The following FADS2 variants were observed in gnomAD, a reference collection of about 807,000 sequenced individuals.
FADS2 encodes the protein acyl-CoA 6-desaturase.
In FADS2, 18 loss-of-function variants were observed where a neutral mutation model predicts 61.2. The observed-to-expected ratio is 0.29, with a 90% CI of 0.20 to 0.44. The LOEUF is 0.44. Among genes scored for constraint, FADS2 ranks in the 20% least tolerant of loss-of-function variants. FADS2 has a pLI of 1.00. For synonymous variants in FADS2, 203 were observed against 223.9 expected (o/e 0.91, Z 0.83); for missense variants, 322 against 572.7 (o/e 0.56, Z 4.47).
chr11:61,828,063 G>T, upstream of FADS2: 1 of 1,213,070 alleles, frequency 8.2e-7, no homozygotes, highest in Non-Finnish European at 1.0e-6. This position sits in a 1 kb window ranked among gnomAD's most constrained non-coding sequence, Gnocchi z 6.4. Flanking sequence ...CCGGAGGGGC[G>T]GGCAGAGGAG....
chr11:61,825,503 A>G (rs1484282517), upstream of FADS2, among the ~76,000 whole-genome samples: 2 of 151,946 alleles, frequency 1.3e-5, no homozygotes, highest in African/African-American at 4.8e-5. Context: ...TTGTAATCCC[A>G]GCTACTCAGG....
intron 5 of FADS2, among the ~76,000 whole-genome samples, chr11:61,853,245 CTCTCTCTCTTTCTTTCT>C: frequency 2.1e-5 from 3 of 142,910 alleles, no homozygotes; most frequent in Middle Eastern, 3.5e-3. Context: ...TTCTTTCTTT[CTCTCTCTCTTTCTTTCT>C]CTCCCTCCCT....
At chr11:61,839,198 C>T (rs2067198557) in intron 2 of FADS2, among the ~76,000 whole-genome samples, 1 of 152,198 alleles carries the variant, frequency 6.6e-6, no homozygotes, top group South Asian at 2.1e-4. Flanking sequence ...CCTGCCTCAG[C>T]TCGCCCTCCT....
chr11:61,856,596 C>T (rs574499646), intron 5 of FADS2: 11 of 165,850 alleles, frequency 6.6e-5, no homozygotes, highest in Middle Eastern at 2.6e-3. Context: ...TATGCTCCGC[C>T]GAGAGTTGCT....
At chr11:61,823,851 C>T (rs923556441), upstream of FADS2, among the ~76,000 whole-genome samples, 2 of 152,146 alleles carry the variant, frequency 1.3e-5, no homozygotes, top group African/African-American at 4.8e-5. Flanking sequence ...CCCAGCCTGT[C>T]ATTTAAGGCA....
chr11:61,828,731 T>G lies in FADS2; in HGVS notation c.207+134T>G. The G allele has an allele frequency of 1.4e-6, 1 of 732,484 alleles. No homozygotes were observed. Among genetic ancestry groups the G allele is most frequent in the South Asian group, 1.8e-5 (1 of 54,644 alleles). 45.4% of individuals were successfully genotyped at this position (732,484 alleles called of 1,614,324 possible). A position where few individuals can be genotyped will look rare whatever the true frequency, so the allele number is the denominator to read the frequency against. On this transcript the variant is annotated intron_variant, in intron 1 of 11. Transcript: ENST00000278840. The surrounding 1 kb of genome is among the most constrained non-coding windows in gnomAD (Gnocchi z 6.4). ...GTCCTGTAGGGAAGGAAAGTGCATC[T>G]ATTGCACTCGTACCCCCTCCCCAAT...
intron 4 of FADS2, among the ~76,000 whole-genome samples, chr11:61,846,080 G>A (rs902222812): frequency 4.0e-5 from 6 of 151,068 alleles, no homozygotes; most frequent in African/African-American, 9.7e-5. Context: ...GACAACAAAC[G>A]CAAATGTGTC....
intron 1 of FADS2, among the ~76,000 whole-genome samples, chr11:61,829,843 C>T (rs2067114228): frequency 6.6e-6 from 1 of 152,134 alleles, no homozygotes; most frequent in Admixed American, 6.5e-5. Context: ...TCTTGCATCT[C>T]ATGGAGACAG....
intron 1 of FADS2, among the ~76,000 whole-genome samples, chr11:61,820,973 C>T (rs2067032552): frequency 6.6e-6 from 1 of 152,110 alleles, no homozygotes; most frequent in Non-Finnish European, 1.5e-5. Flanking sequence ...GGTGAGTAAG[C>T]CTATAGGCCA....
chr11:61,849,028 G>A (rs1292850992), intron 5 of FADS2, among the ~76,000 whole-genome samples: 1 of 152,148 alleles, frequency 6.6e-6, no homozygotes, highest in Non-Finnish European at 1.5e-5. Flanking sequence ...CGCCTCCCAC[G>A]TAGCTGGGAT....
intron 2 of FADS2, 98 bp downstream of exon 2, chr11:61,837,986 G>C (rs2067188551): frequency 1.2e-6 from 1 of 832,312 alleles, no homozygotes; most frequent in Non-Finnish European, 2.0e-6. Flanking sequence ...AGTAACTGGG[G>C]CTGAGGCAGG....
intron 1 of FADS2, among the ~76,000 whole-genome samples, chr11:61,819,092 C>T (rs1234485599): frequency 6.6e-6 from 1 of 151,942 alleles, no homozygotes; most frequent in Admixed American, 6.6e-5. Context: ...GCCAGGATGG[C>T]TTTGATCTCC....
At chr11:61,852,071 G>A (rs1436843142) in intron 5 of FADS2, among the ~76,000 whole-genome samples, 1 of 152,250 alleles carries the variant, frequency 6.6e-6, no homozygotes, top group Admixed American at 6.5e-5. Flanking sequence ...CCCATGAGGT[G>A]GCATTGCTTC....
chr11:61,828,634 C>T lies in FADS2; in HGVS notation c.207+37C>T. ...GGGGCGCCCCAGCCACCCTTCTCTG[C>T]TGCAGGCGGAGTCAGGATCCCTGGC... is the stretch of plus-strand genomic sequence containing the variant. On this transcript the variant is annotated intron_variant, in intron 1 of 11. Transcript: ENST00000278840. This position sits in a 1 kb window ranked among gnomAD's most constrained non-coding sequence, Gnocchi z 6.4. 1 of 1,574,816 alleles carries T rather than the reference C, an allele frequency of 6.3e-7. No individual in the cohort carries two copies. Among genetic ancestry groups the T allele is most frequent in the African/African-American group, 1.3e-5 (1 of 74,410 alleles).
At chr11:61,857,364 C>A in intron 6 of FADS2, 90 bp from the exon 7 acceptor site, 1 of 1,217,256 alleles carries the variant, frequency 8.2e-7, no homozygotes, top group South Asian at 1.2e-5. Flanking sequence ...GGGCTGGCCC[C>A]TGCACTCAGT....
intron 1 of FADS2, among the ~76,000 whole-genome samples, chr11:61,821,185 G>C (rs2067033981): frequency 6.6e-6 from 1 of 152,072 alleles, no homozygotes; most frequent in Non-Finnish European, 1.5e-5. Context: ...AACTGTTCTG[G>C]CCAAATTAAT....
rs1293249909 is a variant in FADS2 at position 61,816,691 on chromosome 11, T to A, written c.141+265T>A. Reference sequence around the variant, plus strand: ...GCACCCTGAGCGCTGGGCCACCTCGTCCCAGGTGAAGTAGCGCGGGGTAGG... The same window carrying A: ...GCACCCTGAGCGCTGGGCCACCTCGACCCAGGTGAAGTAGCGCGGGGTAGG... On this transcript the variant is annotated intron_variant, in intron 1 of 11. Coordinates refer to the FADS2 transcript ENST00000257261. The surrounding 1 kb of genome is among the most constrained non-coding windows in gnomAD (Gnocchi z 7.0). 1 of 1,584,850 alleles carries A rather than the reference T, an allele frequency of 6.3e-7. No individual in the cohort carries two copies. Among genetic ancestry groups the A allele is most frequent in the Non-Finnish European group, 8.6e-7 (1 of 1,166,182 alleles).
At chr11:61,832,813 G>T (rs76261748) in intron 1 of FADS2, among the ~76,000 whole-genome samples, 139 of 152,316 alleles carry the variant, frequency 9.1e-4, no homozygotes, top group African/African-American at 3.1e-3. Context: ...GTTCTGGTCC[G>T]CAGGGCTGCC....
rs2067473218 is a variant in FADS2, at chr11:61,866,606, A to C, written c.*917A>C. The C allele has an allele frequency of 6.6e-6, 1 of 152,352 alleles. No individual in the cohort carries two copies. Among genetic ancestry groups the C allele is most frequent in the African/African-American group, 2.4e-5 (1 of 41,464 alleles). The allele number at this position is 152,352 out of a possible 1,614,324, so 9.4% of individuals were successfully genotyped here. On this transcript the variant is annotated 3_prime_UTR_variant, in exon 12 of 12. Transcript: ENST00000278840. ...GCTCTGTTATCAGCTGGGCAGTGCC[A>C]GCCAATCCCTGGCCATTTGGCCCCA...
Sources: allele counts gnomAD v4.1 joint callset (sites outside exome capture counted in the v4.1 genomes callset), GRCh38; gene constraint gnomAD v4.1.1; non-coding constraint Gnocchi (gnomAD v3.1); transcripts MANE v1.5; gene names NCBI Gene and HGNC (gene_info 2026-07-23, HGNC 2026-07-21).